Variants in CTSZ observed in about 807,000 individuals in gnomAD.
The protein encoded by CTSZ is carboxypeptidase LB.
A neutral mutation model predicts 32.4 loss-of-function variants in CTSZ; 39 were observed. That is an observed-to-expected ratio of 1.20 (90% CI 0.93 to 1.57). The LOEUF (loss-of-function observed/expected upper bound fraction) is 1.57. Ranked by LOEUF, CTSZ falls within the 40% of genes most tolerant of loss-of-function variation. The pLI is 0.00. For missense variants in CTSZ, 397 were observed against 419.6 expected, an observed-to-expected ratio of 0.95 and a Z score of 0.47; for synonymous variants, 168 against 170.1, an observed-to-expected ratio of 0.99 and a Z score of 0.10.
At chr20:59,006,561 G>A in intron 1 of CTSZ, 76 bp from the exon 2 acceptor site, 1 of 1,465,688 alleles carries the variant, frequency 6.8e-7, no homozygotes, top group Non-Finnish European at 9.2e-7. Context: ...CCTCGGTAGG[G>A]CCCTCCCGCC....
At position 59,006,368 on chromosome 20, in the gene CTSZ, T is replaced by C. The variant is rs781710040; in HGVS notation, c.261A>G (p.Gln87=). The C allele has an allele frequency of 9.9e-6, 16 of 1,613,640 alleles. No homozygotes were observed. Among genetic ancestry groups the C allele is most frequent in the East Asian group, 2.2e-5 (1 of 44,890 alleles). The change falls in exon 2 of 6, where the codon CAA becomes CAG. Residue 87 remains glutamine, a synonymous_variant. Coordinates refer to ENST00000217131, the MANE Select transcript of CTSZ (RefSeq NM_001336.4). ...CGTGGGCCCAGCAGGAGCCGCAGTATTGGGGGATGTGCTGGTTCCGGGTGA... is the reference window on the plus strand; with the variant it reads ...CGTGGGCCCAGCAGGAGCCGCAGTACTGGGGGATGTGCTGGTTCCGGGTGA... ...ASITRNQHIP[Q]YCGSCWAHAS... is the part of the protein sequence containing the mutation.
Position 59,006,314 on chromosome 20 carries a change from C to T in CTSZ, c.307+8G>A, listed in dbSNP as rs2146366910. 6.3e-7 allele frequency: 1 copy of T among 1,598,296 alleles called. No individual in the cohort carries two copies. Among genetic ancestry groups the T allele is most frequent in the South Asian group, 1.1e-5 (1 of 89,640 alleles). ...TTCCTGGCCCACAGTCAAAGGGCGG[C>T]CACTCACCCGCCATAGCGCTGGTGC... is the stretch of plus-strand genomic sequence containing the variant. On this transcript the variant is annotated splice_region_variant and intron_variant, in intron 2 of 5. Coordinates refer to ENST00000217131, the MANE Select transcript of CTSZ (RefSeq NM_001336.4).
chr20:58,997,884 T>C, intron 3 of CTSZ, 131 bp from the exon 4 acceptor site: 1 of 714,512 alleles, frequency 1.4e-6, no homozygotes, highest in East Asian at 3.0e-5. Flanking sequence ...GAAATCATCT[T>C]GCTATTAGGT....
intron 2 of CTSZ, among the ~76,000 whole-genome samples, chr20:59,003,644 G>T (rs2091898323): frequency 6.6e-6 from 1 of 152,216 alleles, no homozygotes; most frequent in Non-Finnish European, 1.5e-5. Context: ...AGGAAGTGGG[G>T]TGTCATATGC....
At chr20:59,005,939 A>G (rs2091907232) in intron 2 of CTSZ, 1 of 196,866 alleles carries the variant, frequency 5.1e-6, no homozygotes, top group Non-Finnish European at 1.1e-5. Flanking sequence ...CAATATTCCA[A>G]GCCCAGGACA....
At chr20:59,000,677 C>T (rs2091884986) in intron 3 of CTSZ, among the ~76,000 whole-genome samples, 1 of 152,134 alleles carries the variant, frequency 6.6e-6, no homozygotes, top group African/African-American at 2.4e-5. Context: ...TCTCCCTCCA[C>T]AAGGCCCCCT....
intron 4 of CTSZ, 89 bp downstream of exon 4, chr20:58,997,514 G>A (rs965714705): frequency 6.8e-6 from 9 of 1,322,620 alleles, no homozygotes; most frequent in East Asian, 2.7e-5. Context: ...CTGTCACCGC[G>A]GATCTCTCCT....
chr20:59,001,977 T>G (rs8120779), intron 2 of CTSZ, among the ~76,000 whole-genome samples: 3,330 of 152,338 alleles, frequency 0.022, 114 homozygotes, highest in African/African-American at 0.074. Flanking sequence ...AATGAAGGGC[T>G]GAATGGACAG....
At position 58,996,757 on chromosome 20, in the gene CTSZ, C is replaced by G; in HGVS notation, c.683G>C (p.Gly228Ala). 1 of 1,614,182 alleles carries G rather than the reference C, an allele frequency of 6.2e-7. No homozygotes were observed. The highest frequency in any genetic ancestry group is 8.5e-7 in the Non-Finnish European group (1 of 1,180,042). Residue 228 changes from glycine (G) to alanine (A), a missense_variant, in exon 5 of 6, where the codon GGC (glycine) becomes GCC (alanine). Gly to Ala is a moderately conservative substitution (Grantham distance 60). Coordinates refer to ENST00000217131, the MANE Select transcript of CTSZ (RefSeq NM_001336.4). Reference protein sequence around the residue: ...ATERLANYTGGIYAEYQDTTY... With the variant: ...ATERLANYTGAIYAEYQDTTY... ...GGTGTCCTGGTATTCGGCATAGATG[C>G]CTCCGGTGTAGTTAGCCAGTCTTTC...
rs1429607978 is a variant in CTSZ, at chr20:59,007,136, C to T, written c.-8G>A. On this transcript the variant is annotated 5_prime_UTR_variant, in exon 1 of 6. Transcript: ENST00000217131. ...TGGCCCGCGCCTCGCCATGGCCCCG[C>T]GCCGGCTCCTGGGTCCCGCTCCGGA... is the stretch of plus-strand genomic sequence containing the variant. 4.4e-6 allele frequency: 6 copies of T among 1,353,202 alleles called. No individual in the cohort carries two copies. In the African/African-American group the frequency reaches 6.1e-5, roughly 14 times the overall value. 83.8% of individuals were successfully genotyped at this position (1,353,202 alleles called of 1,614,324 possible).
Position 59,001,613 on chromosome 20 carries a change from C to G in CTSZ, c.339G>C (p.Trp113Cys). Residue 113 changes from tryptophan (W) to cysteine (C), a missense_variant, in exon 3 of 6, where the codon TGG becomes TGC. By Grantham distance (215) the Trp-to-Cys change is radical. Transcript: ENST00000217131. ...DRINIKRKGA[W>C]PSTLLSVQNV... ...TCTGCACGGACAGGAGGGTGGAGGG[C>G]CACGCTCCCTTCCTCTTGATGTTGA... 1 of 1,614,100 alleles carries G rather than the reference C, an allele frequency of 6.2e-7. No individual in the cohort carries two copies. The highest frequency in any genetic ancestry group is 8.5e-7 in the Non-Finnish European group (1 of 1,179,966).
In CTSZ at chr20:58,995,480, C is replaced by G. The variant is rs2146359026; in HGVS notation, c.*169G>C. 1.7e-6 allele frequency: 1 copy of G among 593,100 alleles called. No individual in the cohort carries two copies. The highest frequency in any genetic ancestry group is 2.9e-5 in the East Asian group (1 of 35,044). 36.7% of individuals were successfully genotyped at this position (593,100 alleles called of 1,614,324 possible). A position where few individuals can be genotyped will look rare whatever the true frequency, so the allele number is the denominator to read the frequency against. ...GCTGTGCAAGTGTCATAAGTCATCC[C>G]ACTTTCAACTCTCAGGAACACTCGC... On this transcript the variant is annotated 3_prime_UTR_variant, in exon 6 of 6. Transcript: ENST00000217131.
At chr20:59,005,245 G>C (rs1308287843) in intron 2 of CTSZ, among the ~76,000 whole-genome samples, 4 of 152,152 alleles carry the variant, frequency 2.6e-5, no homozygotes, top group Non-Finnish European at 4.4e-5. Flanking sequence ...CACAGCTTCA[G>C]CTGGCTGGCT....
In CTSZ at chr20:59,006,479, G is replaced by A. The variant is rs774512938; in HGVS notation, c.150C>T (p.Tyr50=). The change falls in exon 2 of 6, where the codon TAC becomes TAT. Residue 50 remains tyrosine (Y), a synonymous_variant. Coordinates refer to ENST00000217131, the MANE Select transcript of CTSZ (RefSeq NM_001336.4). The part of the protein sequence containing the change: ...DGLAPLGRST[Y]PRPHEYLSPA... ...GGGACAGGTACTCATGAGGCCGGGGGTATGTGCTGAGAAGAGATCATCCCC... is the reference window on the plus strand; with the variant it reads ...GGGACAGGTACTCATGAGGCCGGGGATATGTGCTGAGAAGAGATCATCCCC... 8.7e-6 allele frequency: 14 copies of A among 1,612,250 alleles called. No homozygotes were observed. In the South Asian group the frequency reaches 1.1e-4, roughly 13 times the overall value.
At position 59,001,487 on chromosome 20, in the gene CTSZ, G is replaced by A; in HGVS notation, c.465C>T (p.Asn155=). ...HQHGIPDETC[N]NYQAKDQECD... is the part of the protein sequence containing the mutation. ...TACCCTGGTCCTTGGCCTGGTAGTT[G>A]TTGCAGGTCTCGTCAGGGATGCCGT... Residue 155 remains asparagine (N), a synonymous_variant, in exon 3 of 6, where the codon AAC becomes AAT. Transcript: ENST00000217131. The A allele has an allele frequency of 6.2e-7, 1 of 1,613,044 alleles. No individual in the cohort carries two copies. Among genetic ancestry groups the A allele is most frequent in the Non-Finnish European group, 8.5e-7 (1 of 1,179,154 alleles).
At chr20:58,996,437 G>A in intron 5 of CTSZ, 1 of 584,784 alleles carries the variant, frequency 1.7e-6, no homozygotes, top group African/African-American at 1.9e-5. Flanking sequence ...AACACCCAAA[G>A]TGCACAGGAT....
Position 59,001,595 on chromosome 20 carries a change from G to T in CTSZ, c.357C>A (p.Ser119=). The T allele has an allele frequency of 6.2e-7, 1 of 1,614,200 alleles. No homozygotes were observed. The highest frequency in any genetic ancestry group is 1.7e-5 in the Admixed American group (1 of 60,032). Residue 119 remains serine, a synonymous_variant, in exon 3 of 6, where the codon TCC becomes TCA. Transcript: ENST00000217131. ...RKGAWPSTLL[S]VQNVIDCGNA... ...TACCGCAGTCGATGACGTTCTGCAC[G>T]GACAGGAGGGTGGAGGGCCACGCTC...
intron 3 of CTSZ, among the ~76,000 whole-genome samples, chr20:58,998,367 C>T (rs1228516025): frequency 6.6e-6 from 1 of 151,740 alleles, no homozygotes. Flanking sequence ...ATGGTGAAAC[C>T]CCTGTCTCTA....
At chr20:59,001,117 C>CGA (rs2091886917) in intron 3 of CTSZ, among the ~76,000 whole-genome samples, 1 of 152,142 alleles carries the variant, frequency 6.6e-6, no homozygotes, top group Admixed American at 6.5e-5. Context: ...GCATGAGCCA[C>CGA]CGCGCGCATG....
Sources: gnomAD v4.1 joint callset for allele counts (sites outside exome capture counted in the v4.1 genomes callset) on GRCh38, gnomAD v4.1.1 for gene constraint, MANE v1.5 for transcripts, NCBI Gene and HGNC (gene_info 2026-07-23, HGNC 2026-07-21) for gene names.